SYN3: variants seen among roughly 807,000 people sequenced by gnomAD.
SYN3 encodes synapsin III.
A neutral mutation model predicts 65.8 loss-of-function variants in SYN3; 35 were observed. The observed-to-expected ratio is 0.53, with a 90% CI of 0.41 to 0.70. SYN3 has a LOEUF of 0.70. Ranked by LOEUF, SYN3 falls within the 30% of genes least tolerant of loss-of-function variation. SYN3 has a pLI of 0.00. For synonymous variants in SYN3, 270 were observed against 292.9 expected, an observed-to-expected ratio of 0.92 and a Z score of 0.80; for missense variants, 680 against 749.0, an observed-to-expected ratio of 0.91 and a Z score of 1.08.
intron 6 of SYN3, among the ~76,000 whole-genome samples, chr22:32,671,560 C>T (rs1289144834): frequency 7.4e-6 from 1 of 135,460 alleles, no homozygotes; most frequent in Non-Finnish European, 1.7e-5. Context: ...CACACACACA[C>T]ACATGCTCTC....
chr22:32,626,533 G>C (rs1569103277), intron 6 of SYN3, among the ~76,000 whole-genome samples: 1 of 152,184 alleles, frequency 6.6e-6, no homozygotes, highest in Non-Finnish European at 1.5e-5. Context: ...CCGAGAGTAG[G>C]TTTTTCAGAG....
At chr22:32,661,565 C>T (rs1168183626) in intron 6 of SYN3, among the ~76,000 whole-genome samples, 1 of 152,104 alleles carries the variant, frequency 6.6e-6, no homozygotes, top group Non-Finnish European at 1.5e-5. Flanking sequence ...CATTGTGCAA[C>T]AGCAGGGCTG....
intron 2 of SYN3, among the ~76,000 whole-genome samples, chr22:32,989,970 C>T (rs769264965): frequency 5.3e-5 from 8 of 152,020 alleles, no homozygotes; most frequent in Non-Finnish European, 8.8e-5. Flanking sequence ...AAAGGGTTAA[C>T]GTTTGGAAGG....
At chr22:32,810,238 C>T (rs117533839) in intron 6 of SYN3, among the ~76,000 whole-genome samples, 1 of 152,168 alleles carries the variant, frequency 6.6e-6, no homozygotes. Flanking sequence ...CCCAGAGAAC[C>T]TTTCCTGACC....
chr22:32,744,020 A>G (rs951861057), intron 6 of SYN3, among the ~76,000 whole-genome samples: 1 of 152,036 alleles, frequency 6.6e-6, no homozygotes, highest in Non-Finnish European at 1.5e-5. Flanking sequence ...GGGTGGAGGG[A>G]TTATTCATGA....
chr22:32,543,651 G>A (rs1015854358), intron 7 of SYN3, among the ~76,000 whole-genome samples: 1 of 152,146 alleles, frequency 6.6e-6, no homozygotes, highest in African/African-American at 2.4e-5. Context: ...GTTTTAGCTG[G>A]GTACCTGGCC....
At chr22:32,723,811 C>T (rs1427147342) in intron 6 of SYN3, among the ~76,000 whole-genome samples, 1 of 152,214 alleles carries the variant, frequency 6.6e-6, no homozygotes, top group Non-Finnish European at 1.5e-5. Flanking sequence ...TTGCCGCTGC[C>T]GGCTGCCGCC....
intron 3 of SYN3, among the ~76,000 whole-genome samples, chr22:32,973,980 G>C (rs1241832308): frequency 2.6e-5 from 4 of 152,182 alleles, no homozygotes; most frequent in Non-Finnish European, 5.9e-5. Context: ...GTAGAAACAG[G>C]GTTTCGCCAT....
chr22:32,777,904 A>G (rs2045947288), intron 6 of SYN3, among the ~76,000 whole-genome samples: 1 of 152,160 alleles, frequency 6.6e-6, no homozygotes, highest in Non-Finnish European at 1.5e-5. Context: ...GTTGTACTAA[A>G]AAGTTTAACT....
intron 3 of SYN3, among the ~76,000 whole-genome samples, chr22:32,949,378 T>C (rs563788575): frequency 3.3e-5 from 5 of 151,752 alleles, no homozygotes; most frequent in Admixed American, 1.3e-4. Context: ...ACTGCACCAC[T>C]GCACTCCGGC....
chr22:32,595,602 C>A (rs1011145456), intron 7 of SYN3, among the ~76,000 whole-genome samples: 5 of 152,206 alleles, frequency 3.3e-5, no homozygotes, highest in African/African-American at 9.6e-5. Flanking sequence ...TAGGTGTCAG[C>A]AGCCCTACAG....
chr22:32,787,738 A>T (rs2046229297), intron 6 of SYN3, among the ~76,000 whole-genome samples: 1 of 152,218 alleles, frequency 6.6e-6, no homozygotes, highest in South Asian at 2.1e-4. Flanking sequence ...AGAAAAGAAA[A>T]ATCCATGTGA....
intron 6 of SYN3, among the ~76,000 whole-genome samples, chr22:32,792,337 A>G (rs751892123): frequency 1.8e-4 from 28 of 152,192 alleles, no homozygotes; most frequent in Non-Finnish European, 8.8e-5. Context: ...ATTTTGAGAG[A>G]TCGTTAAATC....
At chr22:32,725,155 G>A (rs916970692) in intron 6 of SYN3, among the ~76,000 whole-genome samples, 5 of 151,846 alleles carry the variant, frequency 3.3e-5, no homozygotes, top group African/African-American at 9.7e-5. Context: ...ACAACACAAC[G>A]CAACACAACA....
At chr22:32,606,986 T>C (rs1364899667) in intron 6 of SYN3, among the ~76,000 whole-genome samples, 2 of 151,764 alleles carry the variant, frequency 1.3e-5, no homozygotes, top group Admixed American at 6.6e-5. Flanking sequence ...ATTAGGTATA[T>C]CTCCTAATGC....
chr22:32,739,055 G>A (rs1202154870), intron 6 of SYN3, among the ~76,000 whole-genome samples: 1 of 152,018 alleles, frequency 6.6e-6, no homozygotes, highest in Non-Finnish European at 1.5e-5. Flanking sequence ...AAGAGGGGAT[G>A]TTACTTATTG....
chr22:32,572,489 T>TCTCTCCCCC (rs2058790647), intron 7 of SYN3, among the ~76,000 whole-genome samples: 3 of 122,386 alleles, frequency 2.5e-5, no homozygotes, highest in East Asian at 2.6e-4. Flanking sequence ...CTCCCTTCCT[T>TCTCTCCCCC]TTCTTCCTTC....
At chr22:32,927,503 C>T (rs2050507634) in intron 4 of SYN3, among the ~76,000 whole-genome samples, 1 of 152,016 alleles carries the variant, frequency 6.6e-6, no homozygotes, top group African/African-American at 2.4e-5. Flanking sequence ...ACCCACCTGG[C>T]CTCCCAAAGT....
intron 6 of SYN3, among the ~76,000 whole-genome samples, chr22:32,743,900 C>A (rs1050638570): frequency 3.5e-4 from 54 of 152,242 alleles, no homozygotes; most frequent in Middle Eastern, 3.4e-3. Flanking sequence ...TCATGGAAAA[C>A]CCAGCTCTGG....
Sources: gnomAD v4.1 joint callset for allele counts (sites outside exome capture counted in the v4.1 genomes callset) on GRCh38, gnomAD v4.1.1 for gene constraint, MANE v1.5 for transcripts, NCBI Gene and HGNC (gene_info 2026-07-23, HGNC 2026-07-21) for gene names.